Variants in GPATCH2 observed in about 807,000 individuals in gnomAD.
The protein encoded by GPATCH2 is G-patch domain containing 2, also known as G patch domain-containing protein 2.
A neutral mutation model predicts 58.0 loss-of-function variants in GPATCH2; 51 were observed. That is an observed-to-expected ratio of 0.88 (90% CI 0.70 to 1.11). The LOEUF (loss-of-function observed/expected upper bound fraction) is 1.11. Among genes scored for constraint, GPATCH2 ranks in the 50% most tolerant of loss-of-function variants. The pLI, the probability that GPATCH2 is intolerant of heterozygous loss-of-function variation, is 0.00. For missense variants in GPATCH2, 625 were observed against 652.2 expected (o/e 0.96, Z 0.45); for synonymous variants, 222 against 218.5 (o/e 1.02, Z -0.14).
intron 8 of GPATCH2, among the ~76,000 whole-genome samples, chr1:217,462,875 A>G (rs566434261): frequency 6.6e-6 from 1 of 152,290 alleles, no homozygotes; most frequent in Admixed American, 6.5e-5. Flanking sequence ...TCCCTTACTT[A>G]ACAACTTGGG....
chr1:217,455,983 G>A (rs1342376627), intron 8 of GPATCH2, among the ~76,000 whole-genome samples: 2 of 151,956 alleles, frequency 1.3e-5, no homozygotes, highest in African/African-American at 2.4e-5. Context: ...CTGCTGGACG[G>A]CCAAATTCCA....
intron 5 of GPATCH2, among the ~76,000 whole-genome samples, chr1:217,602,390 T>C (rs949787572): frequency 6.6e-6 from 1 of 152,148 alleles, no homozygotes; most frequent in African/African-American, 2.4e-5. Flanking sequence ...CCCCATCAGT[T>C]GGTAAGCTCT....
At chr1:217,598,617 C>T (rs1667968018) in intron 5 of GPATCH2, among the ~76,000 whole-genome samples, 1 of 151,864 alleles carries the variant, frequency 6.6e-6, no homozygotes, top group Non-Finnish European at 1.5e-5. Flanking sequence ...AGGTACCTGC[C>T]ACCACACCCG....
chr1:217,583,068 C>G (rs1025563876), intron 5 of GPATCH2, among the ~76,000 whole-genome samples: 3 of 152,142 alleles, frequency 2.0e-5, no homozygotes, highest in Non-Finnish European at 2.9e-5. Flanking sequence ...TAAATAATTA[C>G]TGCATGTATT....
At chr1:217,488,203 G>C (rs2102528058) in intron 8 of GPATCH2, among the ~76,000 whole-genome samples, 1 of 152,264 alleles carries the variant, frequency 6.6e-6, no homozygotes, top group East Asian at 1.9e-4. Context: ...ATGTGTCTTT[G>C]AGAAGAATGT....
chr1:217,466,898 C>T (rs755649140), intron 8 of GPATCH2, among the ~76,000 whole-genome samples: 3 of 152,150 alleles, frequency 2.0e-5, no homozygotes, highest in Non-Finnish European at 4.4e-5. Flanking sequence ...ATCTGCTGGG[C>T]GCGGTGGCTC....
At chr1:217,447,039 TGAATCAATGAAAGATAA>T (rs1659424349) in intron 9 of GPATCH2, among the ~76,000 whole-genome samples, 1 of 152,200 alleles carries the variant, frequency 6.6e-6, no homozygotes, top group African/African-American at 2.4e-5. Flanking sequence ...CGCTAATGGT[TGAATCAATGAAAGATAA>T]GAAAATTCAG....
intron 8 of GPATCH2, among the ~76,000 whole-genome samples, chr1:217,464,477 A>T (rs17046511): frequency 0.16 from 24,045 of 152,220 alleles, 3,997 homozygotes; most frequent in African/African-American, 0.43. Flanking sequence ...ACTGAAAGAT[A>T]CCAGTTTATA....
intron 5 of GPATCH2, among the ~76,000 whole-genome samples, chr1:217,530,580 CCAT>C (rs2102621025): frequency 6.6e-6 from 1 of 152,126 alleles, no homozygotes; most frequent in Admixed American, 6.5e-5. Context: ...AAAAATCATG[CCAT>C]CAAAGATGTT....
At chr1:217,622,203 A>G (rs1320601708) in intron 1 of GPATCH2, among the ~76,000 whole-genome samples, 1 of 151,976 alleles carries the variant, frequency 6.6e-6, no homozygotes, top group African/African-American at 2.4e-5. Flanking sequence ...TAGCTATTAC[A>G]TGGTTTTGAA....
intron 8 of GPATCH2, among the ~76,000 whole-genome samples, chr1:217,472,067 T>G (rs1320607635): frequency 1.3e-5 from 2 of 152,090 alleles, no homozygotes; most frequent in Non-Finnish European, 2.9e-5. Flanking sequence ...TAAGAAAACA[T>G]GGCAAATTCA....
At chr1:217,537,623 C>T (rs757528268) in intron 5 of GPATCH2, among the ~76,000 whole-genome samples, 2 of 152,022 alleles carry the variant, frequency 1.3e-5, no homozygotes, top group Non-Finnish European at 2.9e-5. Context: ...CCACTTCGGT[C>T]TTATATGCTA....
intron 5 of GPATCH2, among the ~76,000 whole-genome samples, chr1:217,531,979 T>C (rs779543463): frequency 2.8e-4 from 42 of 152,344 alleles, no homozygotes; most frequent in South Asian, 2.7e-3. Flanking sequence ...ATGAGTTCTG[T>C]GGACATTAAA....
intron 5 of GPATCH2, among the ~76,000 whole-genome samples, chr1:217,577,386 G>T (rs1220529011): frequency 6.6e-6 from 1 of 152,138 alleles, no homozygotes; most frequent in African/African-American, 2.4e-5. Context: ...TGTGGCCTCT[G>T]CCACTTTCTA....
chr1:217,441,755 T>G (rs1044470945), intron 9 of GPATCH2, among the ~76,000 whole-genome samples: 1 of 152,186 alleles, frequency 6.6e-6, no homozygotes, highest in African/African-American at 2.4e-5. Flanking sequence ...TCATCATCAC[T>G]GGTCATTAGA....
intron 6 of GPATCH2, among the ~76,000 whole-genome samples, chr1:217,508,261 T>G (rs760948423): frequency 6.6e-6 from 1 of 152,208 alleles, no homozygotes; most frequent in East Asian, 1.9e-4. Context: ...AATTTCAAAG[T>G]GTAAAAGTAT....
intron 3 of GPATCH2, among the ~76,000 whole-genome samples, chr1:217,611,433 AC>A (rs1254454733): frequency 1.3e-5 from 2 of 152,204 alleles, no homozygotes; most frequent in Non-Finnish European, 2.9e-5. Context: ...ACTGCCAGCA[AC>A]AAAAACACAA....
intron 5 of GPATCH2, among the ~76,000 whole-genome samples, chr1:217,592,473 T>C (rs1667637215): frequency 6.6e-6 from 1 of 151,880 alleles, no homozygotes; most frequent in African/African-American, 2.4e-5. Context: ...GACTTCACTA[T>C]GGAATCAGTG....
At chr1:217,529,479 C>A (rs558383856) in intron 5 of GPATCH2, among the ~76,000 whole-genome samples, 3 of 152,150 alleles carry the variant, frequency 2.0e-5, no homozygotes, top group Non-Finnish European at 4.4e-5. Context: ...GCCAGGACAT[C>A]GCTCAGGTTT....
Sources: gnomAD v4.1 joint callset for allele counts (sites outside exome capture counted in the v4.1 genomes callset) on GRCh38, gnomAD v4.1.1 for gene constraint, MANE v1.5 for transcripts, NCBI Gene and HGNC (gene_info 2026-07-23, HGNC 2026-07-21) for gene names.